The following STAC variants were observed in gnomAD, a reference collection of about 807,000 sequenced individuals.
STAC encodes SH3 and cysteine-rich domain-containing protein.
Under a neutral mutation model 48.8 loss-of-function variants are expected in STAC, and 43 were observed. The observed-to-expected ratio is 0.88, with a 90% CI of 0.69 to 1.14. The LOEUF is 1.14. Ranked by LOEUF, STAC falls within the 50% of genes most tolerant of loss-of-function variation. The pLI is 0.00. For synonymous variants in STAC, 193 were observed against 179.5 expected (o/e 1.07, Z -0.60); for missense variants, 497 against 504.0 (o/e 0.99, Z 0.13).
chr3:36,446,439 T>G (rs1367016725), intron 2 of STAC, among the ~76,000 whole-genome samples: 1 of 152,234 alleles, frequency 6.6e-6, no homozygotes, highest in Non-Finnish European at 1.5e-5. Flanking sequence ...AGGAACATAC[T>G]TCCTCCACCA....
intron 10 of STAC, among the ~76,000 whole-genome samples, chr3:36,542,625 C>A (rs1699355457): frequency 6.6e-6 from 1 of 152,160 alleles, no homozygotes; most frequent in Non-Finnish European, 1.5e-5. Flanking sequence ...ACCCCATTGG[C>A]TAGATCAGGT....
chr3:36,431,618 G>A (rs1559488505), intron 1 of STAC, among the ~76,000 whole-genome samples: 1 of 152,128 alleles, frequency 6.6e-6, no homozygotes, highest in Non-Finnish European at 1.5e-5. Context: ...CTGAAAAGGA[G>A]GCCTCTTGCC....
intron 2 of STAC, among the ~76,000 whole-genome samples, chr3:36,454,041 G>A (rs1245407449): frequency 1.3e-5 from 2 of 152,102 alleles, no homozygotes; most frequent in Admixed American, 6.5e-5. Context: ...ACCAATCAGC[G>A]CCCTGTCAAA....
chr3:36,489,996 G>A (rs540371171), intron 5 of STAC, among the ~76,000 whole-genome samples: 2 of 152,136 alleles, frequency 1.3e-5, no homozygotes, highest in Non-Finnish European at 2.9e-5. Flanking sequence ...TTGGGGAGCC[G>A]AACGATTTCC....
intron 1 of STAC, among the ~76,000 whole-genome samples, chr3:36,430,080 T>C (rs879942523): frequency 2.0e-5 from 3 of 152,176 alleles, no homozygotes; most frequent in Non-Finnish European, 4.4e-5. Flanking sequence ...ATTGAAGGGA[T>C]GATTCATCTG....
At chr3:36,381,338 A>G (rs979842203) in intron 1 of STAC, among the ~76,000 whole-genome samples, 5 of 152,370 alleles carry the variant, frequency 3.3e-5, no homozygotes, top group African/African-American at 1.2e-4. Flanking sequence ...TATGAAAGTT[A>G]CACTAACACG....
intron 2 of STAC, among the ~76,000 whole-genome samples, chr3:36,446,259 C>G (rs546131016): frequency 5.2e-4 from 79 of 152,300 alleles, no homozygotes; most frequent in African/African-American, 1.8e-3. Context: ...CTTTGGTCAC[C>G]TAAGCAAGCC....
intron 2 of STAC, among the ~76,000 whole-genome samples, chr3:36,468,702 TTATATATATAAAATACATATATATGTA>T (rs1431448598): frequency 3.3e-4 from 49 of 147,268 alleles, no homozygotes; most frequent in African/African-American, 9.4e-4. Flanking sequence ...CCTTTTATCA[TTATATATATAAAATACATATATATGTA>T]TATATATATA....
chr3:36,416,999 C>T (rs974299606), intron 1 of STAC, among the ~76,000 whole-genome samples: 3 of 151,966 alleles, frequency 2.0e-5, no homozygotes, highest in African/African-American at 7.3e-5. Context: ...ACATTAGGCA[C>T]TTTTTTTTGG....
rs1323576804 is a variant in STAC, at chr3:36,443,962, T to C, written c.388+322T>C. Among the ~76,000 whole-genome samples the C allele has an allele frequency of 2.6e-5, 4 of 152,170 alleles. No individual in the cohort carries two copies. The highest frequency in any genetic ancestry group is 7.2e-5 in the African/African-American group (3 of 41,432). ...GAACACCTGCATCAGCCTGTCACTG[T>C]ATATGGGCAACAAGTGAGACCTGGA... is the stretch of plus-strand genomic sequence containing the variant. On this transcript the variant is annotated intron_variant, in intron 2 of 10. Coordinates refer to ENST00000273183, the MANE Select transcript of STAC (RefSeq NM_003149.3). The surrounding 1 kb of genome is among the most constrained non-coding windows in gnomAD (Gnocchi z 4.2).
chr3:36,442,738 CTACACACACACACA>C (rs1696382183), intron 1 of STAC, among the ~76,000 whole-genome samples: 1 of 112,714 alleles, frequency 8.9e-6, no homozygotes, highest in Non-Finnish European at 1.7e-5. Flanking sequence ...GTCCTATGTC[CTACACACACACACA>C]CACACACACA....
chr3:36,505,676 G>T, intron 7 of STAC, 70 bp from the exon 8 acceptor site: 1 of 1,066,498 alleles, frequency 9.4e-7, no homozygotes, highest in Non-Finnish European at 1.4e-6. Flanking sequence ...TCCATTTCCT[G>T]TTTTCTTTCT....
At position 36,443,047 on chromosome 3, in the gene STAC, A is replaced by G. The variant is rs1279060162; in HGVS notation, c.112-317A>G. On this transcript the variant is annotated intron_variant, in intron 1 of 10. Transcript: ENST00000273183. This position sits in a 1 kb window ranked among gnomAD's most constrained non-coding sequence, Gnocchi z 4.2. Reference sequence around the variant, plus strand: ...GATTCAAATTCAAAAGGCAAATTATATCAAAATCCAATGTGGTGGGACACT... The same window carrying G: ...GATTCAAATTCAAAAGGCAAATTATGTCAAAATCCAATGTGGTGGGACACT... 2.0e-5 allele frequency among the ~76,000 whole-genome samples: 3 copies of G among 152,236 alleles called. No individual in the cohort carries two copies. Among genetic ancestry groups the G allele is most frequent in the Non-Finnish European group, 4.4e-5 (3 of 68,042 alleles).
intron 1 of STAC, among the ~76,000 whole-genome samples, chr3:36,421,426 T>C (rs1402469610): frequency 3.3e-5 from 5 of 152,138 alleles, no homozygotes; most frequent in African/African-American, 4.8e-5. Context: ...TTTTGAAGAA[T>C]TACAATAGTT....
chr3:36,421,333 A>T (rs182163104), intron 1 of STAC, among the ~76,000 whole-genome samples: 1 of 152,332 alleles, frequency 6.6e-6, no homozygotes, highest in African/African-American at 2.4e-5. Flanking sequence ...ACTCTTACAT[A>T]TTGTACCTTT....
intron 1 of STAC, among the ~76,000 whole-genome samples, chr3:36,414,314 A>G (rs1700266121): frequency 1.3e-5 from 2 of 151,698 alleles, no homozygotes; most frequent in African/African-American, 2.4e-5. Flanking sequence ...AGGTACACCA[A>G]TCAGACGTAG....
At chr3:36,419,710 A>ACC (rs754453534) in intron 1 of STAC, among the ~76,000 whole-genome samples, 3,527 of 152,310 alleles carry the variant, frequency 0.023, 58 homozygotes, top group East Asian at 0.026. Flanking sequence ...GTCAGGGAAG[A>ACC]AGAACTGTTT....
intron 1 of STAC, among the ~76,000 whole-genome samples, chr3:36,423,552 A>G (rs55924529): frequency 0.023 from 3,519 of 152,088 alleles, 59 homozygotes; most frequent in Non-Finnish European, 0.026. Context: ...TAAAAGAGGC[A>G]ATCTATACAC....
chr3:36,383,658 C>A (rs184322155), intron 1 of STAC, among the ~76,000 whole-genome samples: 1 of 152,312 alleles, frequency 6.6e-6, no homozygotes, highest in East Asian at 1.9e-4. Context: ...TCTTTAGAAG[C>A]CCACAAATAG....
Sources: allele counts gnomAD v4.1 joint callset (sites outside exome capture counted in the v4.1 genomes callset), GRCh38; gene constraint gnomAD v4.1.1; non-coding constraint Gnocchi (gnomAD v3.1); transcripts MANE v1.5; gene names NCBI Gene and HGNC (gene_info 2026-07-23, HGNC 2026-07-21).